Variants in XKR4 observed in about 807,000 individuals in gnomAD.
The protein encoded by XKR4 is XK related 4.
A neutral mutation model predicts 53.9 loss-of-function variants in XKR4; 12 were observed. The observed-to-expected ratio is 0.22, with a 90% CI of 0.14 to 0.36. The LOEUF (loss-of-function observed/expected upper bound fraction) is 0.36. Ranked by LOEUF, XKR4 falls within the 10% of genes least tolerant of loss-of-function variation. The pLI, the probability that XKR4 is intolerant of heterozygous loss-of-function variation, is 1.00. For missense variants in XKR4, 799 were observed against 859.5 expected, an observed-to-expected ratio of 0.93 and a Z score of 0.88; for synonymous variants, 354 against 362.4, an observed-to-expected ratio of 0.98 and a Z score of 0.26.
rs141001366 is a variant in XKR4 at position 55,446,533 on chromosome 8, G to A, written c.1007-76748G>A. Among the ~76,000 whole-genome samples, 795 of 152,192 alleles carry A rather than the reference G, an allele frequency of 5.2e-3. 6 individuals carry two copies. The highest frequency in any genetic ancestry group is 0.017 in the African/African-American group (714 of 41,498). On this transcript the variant is annotated intron_variant, in intron 2 of 2. Coordinates refer to ENST00000327381, the MANE Select transcript of XKR4 (RefSeq NM_052898.2). The stretch of plus-strand genomic sequence containing the variant: ...ATTTTTTTGTTGCTGTATTTTAGTA[G>A]AGATGAGGTTTCACCATGTTGCCCA...
At position 55,529,246 on chromosome 8, in the gene XKR4, T is replaced by C. The variant is rs148096826; in HGVS notation, c.*5019T>C. ...CCAAATAGCCATTTGCATTTATATATATATATTGCAGGCAGTGACCTGGCC... is the reference window on the plus strand; with the variant it reads ...CCAAATAGCCATTTGCATTTATATACATATATTGCAGGCAGTGACCTGGCC... On this transcript the variant is annotated 3_prime_UTR_variant, in exon 3 of 3. Coordinates refer to ENST00000327381, the MANE Select transcript of XKR4 (RefSeq NM_052898.2). 7 of 152,116 alleles carry C rather than the reference T, an allele frequency of 4.6e-5. No homozygotes were observed. Among genetic ancestry groups the C allele is most frequent in the African/African-American group, 1.4e-4 (6 of 41,484 alleles). The allele number at this position is 152,116 out of a possible 1,614,324, so 9.4% of individuals were successfully genotyped here. A position where few individuals can be genotyped will look rare whatever the true frequency, so the allele number is the denominator to read the frequency against.
At chr8:55,409,006 C>CAA (rs36030680) in intron 2 of XKR4, among the ~76,000 whole-genome samples, 760 of 65,622 alleles carry the variant, frequency 0.012, 15 homozygotes, top group African/African-American at 0.027. Flanking sequence ...GACTCCGTCT[C>CAA]AAAAAAAAAA....
chr8:55,399,596 T>C (rs1804569714), intron 2 of XKR4, among the ~76,000 whole-genome samples: 1 of 152,208 alleles, frequency 6.6e-6, no homozygotes, highest in Non-Finnish European at 1.5e-5. Context: ...GTTCTTAGAA[T>C]AAGGGCACAG....
intron 1 of XKR4, among the ~76,000 whole-genome samples, chr8:55,231,702 T>C (rs1191183172): frequency 2.6e-5 from 4 of 152,190 alleles, no homozygotes; most frequent in Non-Finnish European, 5.9e-5. Flanking sequence ...TGAGCCTGTT[T>C]TGCAGATTTC....
chr8:55,223,438 C>A (rs1817911991), intron 1 of XKR4, among the ~76,000 whole-genome samples: 1 of 152,214 alleles, frequency 6.6e-6, no homozygotes, highest in African/African-American at 2.4e-5. Context: ...TCGTACCCTA[C>A]TCCAGTTTAC....
chr8:55,486,239 C>A (rs889146637), intron 2 of XKR4, among the ~76,000 whole-genome samples: 4 of 152,192 alleles, frequency 2.6e-5, no homozygotes, highest in Non-Finnish European at 4.4e-5. Context: ...ATATTAATAT[C>A]ATGACAGAAA....
intron 2 of XKR4, among the ~76,000 whole-genome samples, chr8:55,386,720 A>G (rs906282426): frequency 6.6e-6 from 1 of 152,216 alleles, no homozygotes; most frequent in Non-Finnish European, 1.5e-5. Flanking sequence ...TGCATTGTAC[A>G]ATGGGAAGTG....
intron 1 of XKR4, among the ~76,000 whole-genome samples, chr8:55,329,051 C>T (rs1013517674): frequency 2.0e-5 from 3 of 152,162 alleles, no homozygotes; most frequent in Non-Finnish European, 4.4e-5. Flanking sequence ...AACAAGGTGG[C>T]CCCTCAGTGA....
intron 1 of XKR4, among the ~76,000 whole-genome samples, chr8:55,280,971 A>G (rs75408013): frequency 1.3e-3 from 204 of 152,310 alleles, no homozygotes; most frequent in African/African-American, 4.7e-3. Context: ...CTGTATCTGA[A>G]CTAACAGTTT....
At chr8:55,289,653 G>T in intron 1 of XKR4, among the ~76,000 whole-genome samples, 1 of 101,762 alleles carries the variant, frequency 9.8e-6, no homozygotes, top group Non-Finnish European at 2.1e-5. Context: ...AAGAAAGGAA[G>T]GAAGGAAAAG....
chr8:55,307,601 C>G (rs1367914337), intron 1 of XKR4, among the ~76,000 whole-genome samples: 1 of 152,034 alleles, frequency 6.6e-6, no homozygotes, highest in African/African-American at 2.4e-5. Flanking sequence ...CTGTAGTGAG[C>G]TGTGATTGTA....
At chr8:55,264,489 G>A (rs1818571343) in intron 1 of XKR4, among the ~76,000 whole-genome samples, 1 of 152,112 alleles carries the variant, frequency 6.6e-6, no homozygotes, top group Admixed American at 6.5e-5. Flanking sequence ...ACATCTGTAG[G>A]GTTACTAGAA....
At chr8:55,272,543 C>A (rs150188339) in intron 1 of XKR4, among the ~76,000 whole-genome samples, 1 of 152,168 alleles carries the variant, frequency 6.6e-6, no homozygotes, top group Non-Finnish European at 1.5e-5. Context: ...ACGGCCTCAG[C>A]ACTTCATACC....
intron 1 of XKR4, among the ~76,000 whole-genome samples, chr8:55,176,878 G>A (rs144490579): frequency 3.9e-5 from 6 of 152,116 alleles, no homozygotes; most frequent in Non-Finnish European, 5.9e-5. Context: ...TGGCTCATTC[G>A]CTTTTACACA....
chr8:55,482,088 C>T (rs1263263559), intron 2 of XKR4, among the ~76,000 whole-genome samples: 2 of 152,158 alleles, frequency 1.3e-5, no homozygotes, highest in Non-Finnish European at 2.9e-5. Flanking sequence ...TATAAAGACA[C>T]ATGCACACGT....
intron 1 of XKR4, among the ~76,000 whole-genome samples, chr8:55,187,305 CA>C (rs1168014848): frequency 3.2e-4 from 31 of 95,852 alleles, no homozygotes; most frequent in South Asian, 3.9e-4. Flanking sequence ...TTTCCAGGAC[CA>C]AAAAAAAAAA....
chr8:55,290,868 G>T (rs1819009040), intron 1 of XKR4, among the ~76,000 whole-genome samples: 1 of 152,076 alleles, frequency 6.6e-6, no homozygotes, highest in Non-Finnish European at 1.5e-5. Flanking sequence ...GTCTTTTGCA[G>T]AGCAAAAGTT....
At chr8:55,281,135 A>C (rs1432632799) in intron 1 of XKR4, among the ~76,000 whole-genome samples, 1 of 152,150 alleles carries the variant, frequency 6.6e-6, no homozygotes, top group African/African-American at 2.4e-5. Context: ...AAATCAGGGA[A>C]CTTCCTTGGG....
intron 2 of XKR4, among the ~76,000 whole-genome samples, chr8:55,466,485 T>A (rs1805771759): frequency 6.6e-6 from 1 of 151,830 alleles, no homozygotes; most frequent in South Asian, 2.1e-4. Context: ...GGGACTGTTA[T>A]GGAGTGGGGG....
Sources: allele counts gnomAD v4.1 joint callset (sites outside exome capture counted in the v4.1 genomes callset), GRCh38; gene constraint gnomAD v4.1.1; transcripts MANE v1.5; gene names NCBI Gene and HGNC (gene_info 2026-07-23, HGNC 2026-07-21).